The following CACNA1C variants were observed in gnomAD, a reference collection of about 807,000 sequenced individuals.
CACNA1C encodes the protein voltage-dependent L-type calcium channel subunit alpha-1C.
In CACNA1C, 30 loss-of-function variants were observed where a neutral mutation model predicts 229.0. The ratio of observed to expected loss-of-function variants is 0.13; its 90% confidence interval spans 0.10 to 0.18. The LOEUF (loss-of-function observed/expected upper bound fraction) is 0.18, where lower values mean the gene tolerates loss of function less well. CACNA1C is among the 10% of genes least tolerant of loss of function. CACNA1C has a pLI of 1.00. For synonymous variants in CACNA1C, 1,114 were observed against 1,132.5 expected, an observed-to-expected ratio of 0.98 and a Z score of 0.33; for missense variants, 1,658 against 2,845.0, an observed-to-expected ratio of 0.58 and a Z score of 9.49.
In CACNA1C at chr12:2,593,200, GTTC is replaced by G. The variant is rs1568639064; in HGVS notation, c.2531-7_2531-5del. 3 of 1,612,808 alleles carry G rather than the reference GTTC, an allele frequency of 1.9e-6. No individual in the cohort carries two copies. The highest frequency in any genetic ancestry group is 2.2e-5 in the East Asian group (1 of 44,844). On this transcript the variant is annotated splice_polypyrimidine_tract_variant and intron_variant, in intron 18 of 46. Transcript: ENST00000399655. ...TGCTGGAGTTATTTAGAATGGTGCTGTTCTTCTTACAGGAGAAGAGGATGAGGA... is the reference window on the plus strand; with the variant it reads ...TGCTGGAGTTATTTAGAATGGTGCTGTTCTTACAGGAGAAGAGGATGAGGA...
At chr12:2,003,714 CTTCT>C (rs1352748271) in intron 1 of CACNA1C, among the ~76,000 whole-genome samples, 1 of 152,204 alleles carries the variant, frequency 6.6e-6, no homozygotes, top group Non-Finnish European at 1.5e-5. Flanking sequence ...CATCAGCTTC[CTTCT>C]AAGTGTTAGA....
chr12:2,365,428 T>C (rs1191169128), intron 3 of CACNA1C, among the ~76,000 whole-genome samples: 1 of 152,218 alleles, frequency 6.6e-6, no homozygotes, highest in Non-Finnish European at 1.5e-5. Flanking sequence ...TCATGATTTC[T>C]TTTGAAAAAT....
intron 1 of CACNA1C, among the ~76,000 whole-genome samples, chr12:1,994,439 T>C (rs2040303812): frequency 6.6e-6 from 1 of 152,216 alleles, no homozygotes; most frequent in Admixed American, 6.5e-5. Flanking sequence ...ACCTCCAATT[T>C]TAAAATTGAT....
chr12:2,566,538 C>A lies in CACNA1C; in HGVS notation c.1625C>A (p.Ala542Asp). 6.3e-7 allele frequency: 1 copy of A among 1,598,324 alleles called. No individual in the cohort carries two copies. ...FLVFLNTLTI[A>D]SEHYNQPNWL... is the part of the protein sequence containing the mutation. ...GTGTTCCTCAACACGCTCACCATTGCCTCTGAGCACTACAACCAGCCCAAC... is the reference window on the plus strand; with the variant it reads ...GTGTTCCTCAACACGCTCACCATTGACTCTGAGCACTACAACCAGCCCAAC... The change falls in exon 12 of 47, where the codon GCC (alanine) becomes GAC (aspartate). Residue 542 changes from alanine to aspartate, a missense_variant. Around this residue, in one of 20 missense-constraint regions of CACNA1C, gnomAD observed 149 missense variants for 194.2 expected, o/e 0.77. Coordinates refer to ENST00000399655, the MANE Select transcript of CACNA1C (RefSeq NM_000719.7). The surrounding 1 kb of genome is among the most constrained non-coding windows in gnomAD (Gnocchi z 4.0).
intron 1 of CACNA1C, among the ~76,000 whole-genome samples, chr12:2,060,938 C>T (rs1474329892): frequency 2.0e-5 from 3 of 152,212 alleles, no homozygotes; most frequent in Admixed American, 6.5e-5. Flanking sequence ...GTGTCATGTA[C>T]AGTCATTTAT....
chr12:2,432,225 T>C (rs777496379), intron 3 of CACNA1C, among the ~76,000 whole-genome samples: 6 of 152,180 alleles, frequency 3.9e-5, no homozygotes, highest in Non-Finnish European at 8.8e-5. Context: ...GAGCCTGATT[T>C]GGAGGAGAGG....
At chr12:2,077,746 T>G (rs922315868) in intron 1 of CACNA1C, among the ~76,000 whole-genome samples, 1 of 152,148 alleles carries the variant, frequency 6.6e-6, no homozygotes, top group African/African-American at 2.4e-5. Context: ...TTAAAGAGCT[T>G]CCTGTTCAGA....
upstream of CACNA1C, chr12:2,048,580 G>A (rs1316089953): frequency 6.6e-6 from 1 of 152,284 alleles, no homozygotes; most frequent in East Asian, 1.9e-4. Flanking sequence ...TGAGGACAAT[G>A]CAATGCATTT....
chr12:2,247,575 G>A (rs540873988), intron 3 of CACNA1C, among the ~76,000 whole-genome samples: 4 of 152,276 alleles, frequency 2.6e-5, no homozygotes, highest in African/African-American at 9.6e-5. Flanking sequence ...TGAGTTTCAG[G>A]CTTCCTGACC....
At chr12:2,010,392 A>T (rs1158419146) in intron 1 of CACNA1C, among the ~76,000 whole-genome samples, 1 of 152,010 alleles carries the variant, frequency 6.6e-6, no homozygotes, top group African/African-American at 2.4e-5. Flanking sequence ...GAAGGCAGAC[A>T]TCTACCAGGG....
intron 3 of CACNA1C, among the ~76,000 whole-genome samples, chr12:2,380,365 T>C (rs73244790): frequency 0.033 from 5,063 of 152,242 alleles, 277 homozygotes; most frequent in African/African-American, 0.11. Flanking sequence ...AATCTTGCAA[T>C]TGAGGTGACT....
intron 3 of CACNA1C, among the ~76,000 whole-genome samples, chr12:2,402,835 C>T (rs1001017825): frequency 4.6e-5 from 7 of 152,324 alleles, no homozygotes; most frequent in Admixed American, 2.6e-4. Context: ...GAACATCGCT[C>T]CCTTCAAGGA....
At chr12:2,161,545 A>G (rs1401786364) in intron 3 of CACNA1C, among the ~76,000 whole-genome samples, 1 of 152,200 alleles carries the variant, frequency 6.6e-6, no homozygotes, top group Non-Finnish European at 1.5e-5. Context: ...GCGGAGATAA[A>G]TGCTTCGGCA....
At chr12:2,332,072 A>G (rs2096565403) in intron 3 of CACNA1C, among the ~76,000 whole-genome samples, 1 of 152,228 alleles carries the variant, frequency 6.6e-6, no homozygotes, top group South Asian at 2.1e-4. Flanking sequence ...ATCACAGTAT[A>G]TGAAAATGTC....
chr12:2,080,605 A>AAAAGAAC (rs1555138767), intron 1 of CACNA1C, among the ~76,000 whole-genome samples: 1 of 147,654 alleles, frequency 6.8e-6, no homozygotes, highest in Non-Finnish European at 1.5e-5. Flanking sequence ...TGTCTCAAAA[A>AAAAGAAC]AAAAAACAAA....
chr12:2,239,309 G>C (rs543349599), intron 3 of CACNA1C, among the ~76,000 whole-genome samples: 1 of 151,972 alleles, frequency 6.6e-6, no homozygotes, highest in African/African-American at 2.4e-5. Context: ...CCTGAATGAC[G>C]GTGAGGGCTG....
intron 3 of CACNA1C, among the ~76,000 whole-genome samples, chr12:2,342,227 C>T: frequency 6.6e-6 from 1 of 152,142 alleles, no homozygotes; most frequent in East Asian, 1.9e-4. Context: ...TGAACTCATG[C>T]TGGGTATCCT....
At chr12:2,571,817 C>T (rs1247115424) in intron 13 of CACNA1C, among the ~76,000 whole-genome samples, 12 of 152,160 alleles carry the variant, frequency 7.9e-5, no homozygotes, top group South Asian at 2.1e-4. Context: ...CCCATAAGTC[C>T]GTCTCCAGCG....
chr12:2,241,195 G>A (rs535457212), intron 3 of CACNA1C, among the ~76,000 whole-genome samples: 78 of 152,178 alleles, frequency 5.1e-4, no homozygotes, highest in Middle Eastern at 6.8e-3. Context: ...AGCATTGACT[G>A]CAGCCCCGCT....
Sources: gnomAD v4.1 joint callset for allele counts (sites outside exome capture counted in the v4.1 genomes callset) on GRCh38, gnomAD v4.1.1 for gene constraint, gnomAD v4.1.1 regional missense constraint, Gnocchi (gnomAD v3.1) non-coding constraint, MANE v1.5 for transcripts, NCBI Gene and HGNC (gene_info 2026-07-23, HGNC 2026-07-21) for gene names.